The following CCNY variants were observed in gnomAD, a reference collection of about 807,000 sequenced individuals.
CCNY encodes cyclin Y.
Under a neutral mutation model 42.8 loss-of-function variants are expected in CCNY, and 19 were observed. The ratio of observed to expected loss-of-function variants is 0.44; its 90% confidence interval spans 0.31 to 0.65. The LOEUF (loss-of-function observed/expected upper bound fraction) is 0.65, where lower values mean the gene tolerates loss of function less well. CCNY is among the 30% of genes least tolerant of loss of function. CCNY has a pLI of 0.07. For synonymous variants in CCNY, 165 were observed against 162.7 expected, an observed-to-expected ratio of 1.01 and a Z score of -0.11; for missense variants, 370 against 437.3, an observed-to-expected ratio of 0.85 and a Z score of 1.37.
At chr10:35,389,336 C>T (rs962545182) in intron 1 of CCNY, among the ~76,000 whole-genome samples, 1 of 152,062 alleles carries the variant, frequency 6.6e-6, no homozygotes, top group Non-Finnish European at 1.5e-5. Context: ...ACCACAGCCC[C>T]TGGTGTACAT....
At chr10:35,400,627 T>C (rs1367907111) in intron 1 of CCNY, among the ~76,000 whole-genome samples, 1 of 152,214 alleles carries the variant, frequency 6.6e-6, no homozygotes, top group Non-Finnish European at 1.5e-5. Context: ...AGTTATCTAC[T>C]GTTCGTTAGA....
intron 1 of CCNY, among the ~76,000 whole-genome samples, chr10:35,382,665 C>G (rs1301332351): frequency 1.3e-5 from 2 of 152,040 alleles, no homozygotes; most frequent in Non-Finnish European, 2.9e-5. Flanking sequence ...TTACCGGGCC[C>G]AGTTGTCCAG....
intron 1 of CCNY, chr10:35,394,823 C>T (rs940780156): frequency 1.4e-5 from 14 of 984,714 alleles, no homozygotes; most frequent in Non-Finnish European, 1.7e-5. Context: ...TAGGTGACCC[C>T]AGTGGCTGAA....
intron 8 of CCNY, among the ~76,000 whole-genome samples, chr10:35,562,069 A>T (rs1404003216): frequency 6.6e-6 from 1 of 152,230 alleles, no homozygotes; most frequent in South Asian, 2.1e-4. Flanking sequence ...AAATTTCACC[A>T]TGCAGAGTTC....
chr10:35,421,095 G>C (rs1053415563), intron 1 of CCNY, among the ~76,000 whole-genome samples: 2 of 152,178 alleles, frequency 1.3e-5, no homozygotes, highest in African/African-American at 2.4e-5. Context: ...TTTGGGGTGG[G>C]ATTTTGGGTG....
chr10:35,460,945 G>C (rs1839145027), intron 1 of CCNY, among the ~76,000 whole-genome samples: 1 of 152,158 alleles, frequency 6.6e-6, no homozygotes, highest in African/African-American at 2.4e-5. Flanking sequence ...TGGAGGTTGG[G>C]CTAGGACATC....
rs186381961 is a variant in CCNY, at chr10:35,522,996, C to T, written c.366-2968C>T. On this transcript the variant is annotated intron_variant, in intron 4 of 9. Coordinates refer to ENST00000374704, the MANE Select transcript of CCNY (RefSeq NM_145012.6). ...CTGTTCGGGTGAATGCCTTGCAGGT[C>T]GCCTAAAACATTGTATAGATAATAT... is the stretch of plus-strand genomic sequence containing the variant. 1.4e-4 allele frequency among the ~76,000 whole-genome samples: 22 copies of T among 152,180 alleles called. No individual in the cohort carries two copies. In the South Asian group the frequency reaches 2.5e-3, roughly 17 times the overall value.
chr10:35,324,515 T>C (rs1291459693), intron 3 of CCNY, among the ~76,000 whole-genome samples: 2 of 152,232 alleles, frequency 1.3e-5, no homozygotes, highest in Non-Finnish European at 2.9e-5. Context: ...GACAAATACG[T>C]AGGTATCTAC....
intron 7 of CCNY, among the ~76,000 whole-genome samples, chr10:35,548,545 C>T (rs1401464216): frequency 2.0e-5 from 3 of 152,072 alleles, no homozygotes; most frequent in Non-Finnish European, 4.4e-5. Context: ...ATCTGCCCAC[C>T]TTGGCCTCCC....
intron 7 of CCNY, among the ~76,000 whole-genome samples, chr10:35,549,755 C>T (rs1403989995): frequency 2.3e-5 from 3 of 133,258 alleles, no homozygotes; most frequent in Non-Finnish European, 3.2e-5. Context: ...CCCTACAGTG[C>T]TCGTGACCCT....
At chr10:35,424,832 G>A (rs977290847) in intron 1 of CCNY, among the ~76,000 whole-genome samples, 9 of 152,194 alleles carry the variant, frequency 5.9e-5, no homozygotes, top group African/African-American at 1.9e-4. Flanking sequence ...AGTCCCTGAC[G>A]CTGTTGCCAA....
chr10:35,386,768 G>T (rs867519835), intron 1 of CCNY, among the ~76,000 whole-genome samples: 6 of 151,952 alleles, frequency 3.9e-5, no homozygotes, highest in Non-Finnish European at 7.4e-5. Context: ...GATTATGTGT[G>T]GAAAATGCAT....
intron 3 of CCNY, among the ~76,000 whole-genome samples, chr10:35,252,348 G>A (rs1015774632): frequency 6.6e-6 from 1 of 151,950 alleles, no homozygotes; most frequent in Non-Finnish European, 1.5e-5. Flanking sequence ...GGCAGATGAC[G>A]AGGTCAGGAG....
At chr10:35,325,938 T>C (rs1298341086) in intron 3 of CCNY, among the ~76,000 whole-genome samples, 1 of 151,978 alleles carries the variant, frequency 6.6e-6, no homozygotes, top group Non-Finnish European at 1.5e-5. Context: ...CTGGGCATGG[T>C]GGCACATGCC....
intron 3 of CCNY, among the ~76,000 whole-genome samples, chr10:35,502,389 A>G (rs1295719195): frequency 6.6e-6 from 1 of 152,232 alleles, no homozygotes; most frequent in Non-Finnish European, 1.5e-5. Context: ...GCATCTGTGT[A>G]TTTGAAGATC....
intron 1 of CCNY, among the ~76,000 whole-genome samples, chr10:35,441,679 C>T (rs941489849): frequency 1.3e-5 from 2 of 152,038 alleles, no homozygotes; most frequent in Non-Finnish European, 2.9e-5. Flanking sequence ...GCCCAGAAGA[C>T]GGAGGTTGCA....
chr10:35,571,860 A>C lies in CCNY; in HGVS notation c.*2690A>C, dbSNP rs1038369038. ...TCATTAAGGATGAAGGAAACGACAC[A>C]ATTTGTTACTTTAATTTTATATTTG... On this transcript the variant is annotated 3_prime_UTR_variant, in exon 10 of 10. Transcript: ENST00000374704. The C allele has an allele frequency of 2.6e-5, 4 of 152,346 alleles. No individual in the cohort carries two copies. The highest frequency in any genetic ancestry group is 5.9e-5 in the Non-Finnish European group (4 of 68,028). The allele number at this position is 152,346 out of a possible 1,614,324, so 9.4% of individuals were successfully genotyped here. A position where few individuals can be genotyped will look rare whatever the true frequency, so the allele number is the denominator to read the frequency against.
At chr10:35,524,953 C>G (rs922731733) in intron 4 of CCNY, among the ~76,000 whole-genome samples, 5 of 152,262 alleles carry the variant, frequency 3.3e-5, no homozygotes, top group Middle Eastern at 3.4e-3. Flanking sequence ...TTGTTAATGA[C>G]TTGAGGTCAA....
intron 3 of CCNY, among the ~76,000 whole-genome samples, chr10:35,512,112 C>T (rs1228668496): frequency 1.3e-5 from 2 of 152,072 alleles, no homozygotes; most frequent in East Asian, 1.9e-4. Flanking sequence ...GGAATAGAAT[C>T]GATAGCACTT....
Sources: gnomAD v4.1 joint callset for allele counts (sites outside exome capture counted in the v4.1 genomes callset) on GRCh38, gnomAD v4.1.1 for gene constraint, MANE v1.5 for transcripts, NCBI Gene and HGNC (gene_info 2026-07-23, HGNC 2026-07-21) for gene names.